PDE11A: variants seen among roughly 807,000 people sequenced by gnomAD.
The protein encoded by PDE11A is phosphodiesterase 11A.
PDE11A carries 100 observed loss-of-function variants against 100.5 expected under a neutral mutation model. The observed-to-expected ratio is 1.00, with a 90% CI of 0.85 to 1.18. PDE11A has a LOEUF of 1.18. Ranked by LOEUF, PDE11A falls within the 50% of genes most tolerant of loss-of-function variation. The pLI is 0.00. For missense variants in PDE11A, 1,141 were observed against 1,152.6 expected (o/e 0.99, Z 0.15); for synonymous variants, 381 against 420.8 (o/e 0.91, Z 1.16).
At chr2:177,991,893 A>T (rs1300767128) in intron 2 of PDE11A, among the ~76,000 whole-genome samples, 1 of 151,070 alleles carries the variant, frequency 6.6e-6, no homozygotes, top group Non-Finnish European at 1.5e-5. Context: ...GATTTGGGCC[A>T]TAATACAATC....
chr2:177,829,525 C>T (rs1010188081), intron 6 of PDE11A, among the ~76,000 whole-genome samples: 8 of 151,878 alleles, frequency 5.3e-5, no homozygotes, highest in Non-Finnish European at 8.8e-5. Flanking sequence ...CTCACTGCAA[C>T]CTCCGCCTCC....
intron 12 of PDE11A, among the ~76,000 whole-genome samples, chr2:177,725,141 A>G (rs1467799005): frequency 6.6e-6 from 1 of 152,122 alleles, no homozygotes; most frequent in Admixed American, 6.6e-5. Flanking sequence ...ATAGGGCATC[A>G]TTTTACCATA....
chr2:177,675,538 A>G lies in PDE11A; in HGVS notation c.2424-20T>C. 2 of 1,602,106 alleles carry G rather than the reference A, an allele frequency of 1.2e-6. No individual in the cohort carries two copies. The highest frequency in any genetic ancestry group is 1.7e-6 in the Non-Finnish European group (2 of 1,169,336). The stretch of plus-strand genomic sequence containing the variant: ...ATTGATCTGAAAAACAGAACCAAAC[A>G]AAACAGCCTGAATAATCTTTTGTTG... On this transcript the variant is annotated intron_variant, in intron 16 of 19. Transcript: ENST00000286063.
Position 177,820,273 on chromosome 2 carries a change from T to G in PDE11A, c.1523A>C (p.His508Pro). ...AGGGACACAAAGAACAGATCTTATGTGAAAACCAGATATCTGGTCTGCCTA... is the reference window on the plus strand; with the variant it reads ...AGGGACACAAAGAACAGATCTTATGGGAAAACCAGATATCTGGTCTGCCTA... ...DAEADQISGF[H>P]IRSVLCVPIW... The change falls in exon 7 of 20, where the codon CAC (histidine) becomes CCC (proline). Residue 508 changes from histidine (H) to proline (P), a missense_variant. His to Pro is a moderately conservative substitution (Grantham distance 77). Coordinates refer to ENST00000286063, the MANE Select transcript of PDE11A (RefSeq NM_016953.4). 5 of 1,589,130 alleles carry G rather than the reference T, an allele frequency of 3.1e-6. No individual in the cohort carries two copies. The highest frequency in any genetic ancestry group is 4.3e-6 in the Non-Finnish European group (5 of 1,157,708).
chr2:177,798,971 G>T lies in PDE11A; in HGVS notation c.1737+17858C>A, dbSNP rs78511443. On this transcript the variant is annotated intron_variant, in intron 9 of 19. Transcript: ENST00000286063. The stretch of plus-strand genomic sequence containing the variant: ...AACACTACTTCCACCAGACGATCAA[G>T]GTTAACATCAATCATGGTAAGTCAT... Among the ~76,000 whole-genome samples the T allele has an allele frequency of 8.9e-3, 1,349 of 152,228 alleles. 13 individuals are homozygous for T. Among genetic ancestry groups the T allele is most frequent in the East Asian group, 0.059 (306 of 5,188 alleles).
chr2:178,078,379 A>G (rs1422580440), intron 2 of PDE11A, among the ~76,000 whole-genome samples: 1 of 152,154 alleles, frequency 6.6e-6, no homozygotes, highest in East Asian at 1.9e-4. Flanking sequence ...CTCCATTTAA[A>G]AAACATTTAA....
intron 2 of PDE11A, among the ~76,000 whole-genome samples, chr2:177,934,928 A>T (rs1051814217): frequency 9.8e-5 from 15 of 152,294 alleles, no homozygotes; most frequent in African/African-American, 3.6e-4. Flanking sequence ...TCATGGATGT[A>T]AAGATAGCAA....
chr2:177,867,612 G>C (rs1274421068), intron 5 of PDE11A, among the ~76,000 whole-genome samples: 1 of 152,152 alleles, frequency 6.6e-6, no homozygotes, highest in Non-Finnish European at 1.5e-5. Context: ...TGTAGTCCTA[G>C]CTACTCGGCA....
At chr2:177,635,185 C>T (rs769732491) in intron 19 of PDE11A, among the ~76,000 whole-genome samples, 1 of 152,098 alleles carries the variant, frequency 6.6e-6, no homozygotes, top group Admixed American at 6.5e-5. Flanking sequence ...AAATCTATAC[C>T]CCTGTAACTT....
intron 1 of PDE11A, among the ~76,000 whole-genome samples, chr2:178,024,859 A>T (rs766085580): frequency 2.0e-5 from 3 of 152,252 alleles, no homozygotes; most frequent in Admixed American, 6.5e-5. Flanking sequence ...CTTATTTTCC[A>T]GAAAATGCTT....
intron 17 of PDE11A, among the ~76,000 whole-genome samples, chr2:177,670,061 T>G (rs964112984): frequency 6.6e-6 from 1 of 152,228 alleles, no homozygotes; most frequent in Admixed American, 6.5e-5. Flanking sequence ...AATATTTGTA[T>G]GCACTCTGGG....
intron 2 of PDE11A, among the ~76,000 whole-genome samples, chr2:177,944,840 G>GTCTCCC (rs1491391050): frequency 4.9e-4 from 22 of 45,230 alleles, no homozygotes; most frequent in African/African-American, 6.3e-4. Flanking sequence ...CTCCCTCTCC[G>GTCTCCC]TCTCCCTCTC....
At chr2:177,898,541 C>T (rs1263160611) in intron 3 of PDE11A, among the ~76,000 whole-genome samples, 1 of 152,098 alleles carries the variant, frequency 6.6e-6, no homozygotes, top group African/African-American at 2.4e-5. Context: ...AGCTATAACC[C>T]TTGTTTCTCT....
chr2:177,800,974 C>A (rs1439320583), intron 9 of PDE11A, among the ~76,000 whole-genome samples: 1 of 152,200 alleles, frequency 6.6e-6, no homozygotes, highest in African/African-American at 2.4e-5. Context: ...CCTAAAAACC[C>A]AGAGAGAATG....
At chr2:177,892,102 A>G (rs2084537859) in intron 4 of PDE11A, among the ~76,000 whole-genome samples, 1 of 152,202 alleles carries the variant, frequency 6.6e-6, no homozygotes, top group African/African-American at 2.4e-5. Flanking sequence ...TTGAAATTGT[A>G]TCTTAACATT....
intron 17 of PDE11A, among the ~76,000 whole-genome samples, chr2:177,674,063 C>A (rs774665974): frequency 2.6e-5 from 4 of 152,162 alleles, no homozygotes; most frequent in Non-Finnish European, 4.4e-5. Context: ...GATACGCTTG[C>A]ATCATTTAAA....
At chr2:177,972,456 A>G (rs2085783838) in intron 2 of PDE11A, among the ~76,000 whole-genome samples, 1 of 152,228 alleles carries the variant, frequency 6.6e-6, no homozygotes, top group African/African-American at 2.4e-5. Flanking sequence ...ACTAGAGTGA[A>G]GAATAAATGA....
intron 2 of PDE11A, among the ~76,000 whole-genome samples, chr2:178,102,428 GTTTTTTTTTTTTT>G (rs769341186): frequency 5.4e-5 from 3 of 55,364 alleles, no homozygotes; most frequent in African/African-American, 1.5e-4. Context: ...CCTGGTCTAA[GTTTTTTTTTTTTT>G]TTTTTTTTTT....
intron 1 of PDE11A, among the ~76,000 whole-genome samples, chr2:178,024,675 T>C (rs1251958420): frequency 1.3e-5 from 2 of 152,182 alleles, no homozygotes; most frequent in Non-Finnish European, 2.9e-5. Flanking sequence ...TGTAGAGAAG[T>C]TAATGGAAAT....
Sources: allele counts gnomAD v4.1 joint callset (sites outside exome capture counted in the v4.1 genomes callset), GRCh38; gene constraint gnomAD v4.1.1; transcripts MANE v1.5; gene names NCBI Gene and HGNC (gene_info 2026-07-23, HGNC 2026-07-21).